CTDSPL: variants seen among roughly 807,000 people sequenced by gnomAD.
CTDSPL encodes CTD small phosphatase like.
A neutral mutation model predicts 30.5 loss-of-function variants in CTDSPL; 8 were observed. The ratio of observed to expected loss-of-function variants is 0.26; its 90% CI spans 0.15 to 0.47. CTDSPL has a LOEUF of 0.47. CTDSPL is among the 20% of genes least tolerant of loss of function. The pLI is 0.99. For synonymous variants in CTDSPL, 110 were observed against 137.9 expected, an observed-to-expected ratio of 0.80 and a Z score of 1.42; for missense variants, 248 against 366.1, an observed-to-expected ratio of 0.68 and a Z score of 2.63.
intron 5 of CTDSPL, chr3:37,969,554 A>G (rs1426000933): frequency 2.5e-6 from 1 of 398,966 alleles, no homozygotes; most frequent in African/African-American, 2.1e-5. Flanking sequence ...TTCACAAATC[A>G]GTCTCCTGCC....
intron 4 of CTDSPL, among the ~76,000 whole-genome samples, chr3:37,964,991 A>C (rs1375469047): frequency 2.6e-5 from 4 of 152,318 alleles, no homozygotes; most frequent in South Asian, 2.1e-4. Context: ...CCCCCAGGAT[A>C]CTGTTTATAT....
chr3:37,940,213 A>G (rs1353259788), intron 1 of CTDSPL, among the ~76,000 whole-genome samples: 2 of 150,712 alleles, frequency 1.3e-5, no homozygotes, highest in Middle Eastern at 3.5e-3. Flanking sequence ...ATTGTATACC[A>G]GAAGTACATA....
intron 1 of CTDSPL, among the ~76,000 whole-genome samples, chr3:37,893,195 ATG>A (rs1342976717): frequency 6.6e-6 from 1 of 152,152 alleles, no homozygotes; most frequent in Non-Finnish European, 1.5e-5. Flanking sequence ...TGTTGTTTGG[ATG>A]TCAGAGGCTA....
At chr3:37,928,735 C>G (rs1297441500) in intron 1 of CTDSPL, among the ~76,000 whole-genome samples, 1 of 152,052 alleles carries the variant, frequency 6.6e-6, no homozygotes, top group African/African-American at 2.4e-5. Flanking sequence ...CTTTAGGTTG[C>G]CTTTTCACTG....
chr3:37,906,020 G>T lies in CTDSPL; in HGVS notation c.80-41037G>T, dbSNP rs561480543. ...TGGGCCAGGCCTTTCCCCTGCAGAG[G>T]CGCAGTACCTTTCAAGTCAGGAGGG... On this transcript the variant is annotated intron_variant, in intron 1 of 7. Transcript: ENST00000273179. 2.0e-3 allele frequency among the ~76,000 whole-genome samples: 307 copies of T among 152,252 alleles called. 2 individuals are homozygous for T. The highest frequency in any genetic ancestry group is 2.7e-3 in the Non-Finnish European group (187 of 68,024).
chr3:37,969,500 C>T (rs558857317), intron 5 of CTDSPL: 41 of 469,686 alleles, frequency 8.7e-5, no homozygotes, highest in South Asian at 4.2e-4. Flanking sequence ...CGCCGGCATC[C>T]GGGCTCAGGA....
At chr3:37,968,479 C>CCTG in intron 5 of CTDSPL, 2 of 237,016 alleles carry the variant, frequency 8.4e-6, no homozygotes, top group South Asian at 4.3e-5. Flanking sequence ...CTGCATAAAG[C>CCTG]TCTTCCGGAA....
chr3:37,906,205 CAGG>C (rs1698513417), intron 1 of CTDSPL, among the ~76,000 whole-genome samples: 1 of 152,270 alleles, frequency 6.6e-6, no homozygotes, highest in South Asian at 2.1e-4. Flanking sequence ...GGAGCACTAA[CAGG>C]AGATCGGAGG....
At chr3:37,948,217 G>T (rs761742632) in intron 2 of CTDSPL, among the ~76,000 whole-genome samples, 24 of 152,142 alleles carry the variant, frequency 1.6e-4, no homozygotes, top group Admixed American at 7.2e-4. Flanking sequence ...CTGGGAGACG[G>T]AGGTTGCAGT....
Position 37,982,757 on chromosome 3 carries a change from C to G in CTDSPL, c.*1890C>G. On this transcript the variant is annotated 3_prime_UTR_variant, in exon 8 of 8. Transcript: ENST00000273179. ...TGCTAGATATTACCACAGATAATGA[C>G]AGTTACATGGTAGAACTGCCCATGC... 2.4e-6 allele frequency: 1 copy of G among 416,532 alleles called. No homozygotes were observed. The highest frequency in any genetic ancestry group is 4.9e-6 in the Non-Finnish European group (1 of 203,826). The allele number at this position is 416,532 out of a possible 1,614,324, so 25.8% of individuals were successfully genotyped here.
intron 3 of CTDSPL, among the ~76,000 whole-genome samples, chr3:37,959,694 G>A (rs534893482): frequency 2.6e-4 from 40 of 152,158 alleles, no homozygotes; most frequent in African/African-American, 9.6e-4. Context: ...TCTTTTCTGT[G>A]TGCTTATGGA....
intron 4 of CTDSPL, among the ~76,000 whole-genome samples, chr3:37,967,326 C>T (rs1410186391): frequency 1.3e-5 from 2 of 152,266 alleles, no homozygotes; most frequent in African/African-American, 4.8e-5. Flanking sequence ...TGACTTTACC[C>T]CCACATGGCC....
chr3:37,865,658 T>C (rs1356220740), intron 1 of CTDSPL, among the ~76,000 whole-genome samples: 1 of 152,218 alleles, frequency 6.6e-6, no homozygotes, highest in African/African-American at 2.4e-5. Context: ...CAGCAACTCA[T>C]TGATACCAGG....
At chr3:37,881,389 C>T (rs547421304) in intron 1 of CTDSPL, among the ~76,000 whole-genome samples, 167 of 151,938 alleles carry the variant, frequency 1.1e-3, no homozygotes, top group African/African-American at 3.9e-3. Context: ...ATTAGCTGGG[C>T]CTGGTGGTGG....
At chr3:37,940,563 T>A (rs986786076) in intron 1 of CTDSPL, among the ~76,000 whole-genome samples, 1 of 150,308 alleles carries the variant, frequency 6.7e-6, no homozygotes, top group African/African-American at 2.4e-5. Flanking sequence ...TGACTACCAA[T>A]TGCTCCAGGC....
intron 1 of CTDSPL, among the ~76,000 whole-genome samples, chr3:37,934,576 T>A (rs2125616666): frequency 6.6e-6 from 1 of 152,320 alleles, no homozygotes; most frequent in African/African-American, 2.4e-5. Flanking sequence ...TTCTGAAAAC[T>A]TACACTAATT....
Position 37,948,702 on chromosome 3 carries a change from G to A in CTDSPL, c.234+1491G>A, listed in dbSNP as rs1395253198. Among the ~76,000 whole-genome samples the A allele has an allele frequency of 8.8e-5, 13 of 147,740 alleles. 1 individual carries two copies. Among genetic ancestry groups the A allele is most frequent in the Admixed American group, 8.8e-4 (13 of 14,826 alleles). ...AAGGTTTTCATATGGTCAAACATAC[G>A]AAAAAATAAGAAAAATGTTGCACAT... On this transcript the variant is annotated intron_variant, in intron 2 of 7. Transcript: ENST00000273179.
At chr3:37,906,757 G>T (rs1056518523) in intron 1 of CTDSPL, among the ~76,000 whole-genome samples, 1 of 152,282 alleles carries the variant, frequency 6.6e-6, no homozygotes, top group African/African-American at 2.4e-5. Flanking sequence ...TGGGGAGAGG[G>T]TAAGGGACAA....
intron 1 of CTDSPL, among the ~76,000 whole-genome samples, chr3:37,885,346 C>T (rs1698251332): frequency 6.6e-6 from 1 of 152,070 alleles, no homozygotes; most frequent in Non-Finnish European, 1.5e-5. Flanking sequence ...GTGGGTAGGT[C>T]AGAGGGTTGT....
Sources: gnomAD v4.1 joint callset for allele counts (sites outside exome capture counted in the v4.1 genomes callset) on GRCh38, gnomAD v4.1.1 for gene constraint, MANE v1.5 for transcripts, NCBI Gene and HGNC (gene_info 2026-07-23, HGNC 2026-07-21) for gene names.